The following LRP1B variants were observed in gnomAD, a reference collection of about 807,000 sequenced individuals.
The protein encoded by LRP1B is LDL receptor related protein 1B.
Under a neutral mutation model 556.6 loss-of-function variants are expected in LRP1B, and 217 were observed. The ratio of observed to expected loss-of-function variants is 0.39; its 90% CI spans 0.35 to 0.44. The LOEUF (loss-of-function observed/expected upper bound fraction) is 0.44. Ranked by LOEUF, LRP1B falls within the 20% of genes least tolerant of loss-of-function variation. The pLI, the probability that LRP1B is intolerant of heterozygous loss-of-function variation, is 1.00. For missense variants in LRP1B, 5,053 were observed against 5,620.8 expected (o/e 0.90, Z 3.23); for synonymous variants, 2,047 against 1,865.8 (o/e 1.10, Z -2.50).
intron 77 of LRP1B, among the ~76,000 whole-genome samples, chr2:140,350,496 T>C (rs1171856310): frequency 6.6e-6 from 1 of 152,018 alleles, no homozygotes; most frequent in Non-Finnish European, 1.5e-5. Flanking sequence ...AAAGCTTATG[T>C]TCATAATAAT....
rs1268989613 is a variant in LRP1B at position 140,233,239 on chromosome 2, T to G, written c.13747A>C (p.Lys4583Gln). 1 of 1,606,058 alleles carries G rather than the reference T, an allele frequency of 6.2e-7. No individual in the cohort carries two copies. Among genetic ancestry groups the G allele is most frequent in the Non-Finnish European group, 8.5e-7 (1 of 1,174,630 alleles). Residue 4583 changes from lysine to glutamine, a missense_variant, in exon 91 of 91, where the codon AAA becomes CAA. Transcript: ENST00000389484. ...TCTATTTTCTTTGGAAGCAGTTCTT[T>G]CCTTTCATCAACACTTCCTAAGGAG... Reference protein sequence around the residue: ...RNSLGSVDERKELLPKKIEIG... With the variant: ...RNSLGSVDERQELLPKKIEIG...
intron 3 of LRP1B, among the ~76,000 whole-genome samples, chr2:141,286,066 C>CAAAAAAAA (rs200182512): frequency 1.1e-5 from 1 of 94,682 alleles, no homozygotes; most frequent in African/African-American, 4.6e-5. Flanking sequence ...GACTCCGTCT[C>CAAAAAAAA]AAAAAAAAAA....
chr2:141,457,610 A>T (rs1172925843), intron 3 of LRP1B, among the ~76,000 whole-genome samples: 3 of 150,984 alleles, frequency 2.0e-5, no homozygotes, highest in Non-Finnish European at 2.9e-5. Context: ...AATTAAAAAA[A>T]TGTGATGAGT....
chr2:140,567,169 C>G (rs1435127443), intron 43 of LRP1B, among the ~76,000 whole-genome samples: 1 of 152,142 alleles, frequency 6.6e-6, no homozygotes, highest in African/African-American at 2.4e-5. Context: ...TGAGTCCAAG[C>G]TGCTGAGATA....
intron 1 of LRP1B, among the ~76,000 whole-genome samples, chr2:142,053,366 A>G (rs1338205355): frequency 6.6e-6 from 1 of 152,184 alleles, no homozygotes; most frequent in East Asian, 1.9e-4. Flanking sequence ...ATAAAAGAGC[A>G]TAGCAGAAAT....
At chr2:141,096,870 G>A (rs977142767) in intron 7 of LRP1B, among the ~76,000 whole-genome samples, 1 of 152,160 alleles carries the variant, frequency 6.6e-6, no homozygotes, top group Non-Finnish European at 1.5e-5. Context: ...CCTGTAGAAA[G>A]TGTGTAGTTA....
chr2:141,047,029 C>A (rs1174073044), intron 11 of LRP1B, among the ~76,000 whole-genome samples: 1 of 120,724 alleles, frequency 8.3e-6, no homozygotes, highest in Non-Finnish European at 1.8e-5. Context: ...TTGCAGTGAG[C>A]CAAGATTGCA....
At chr2:140,836,720 G>C (rs1426361043) in intron 31 of LRP1B, among the ~76,000 whole-genome samples, 1 of 152,078 alleles carries the variant, frequency 6.6e-6, no homozygotes, top group Admixed American at 6.6e-5. Flanking sequence ...TAGCAAGCTG[G>C]GGAATTGCTG....
intron 84 of LRP1B, among the ~76,000 whole-genome samples, chr2:140,285,107 A>ATG (rs1683086580): frequency 6.7e-6 from 1 of 149,764 alleles, no homozygotes; most frequent in Non-Finnish European, 1.5e-5. Context: ...CTCTCTATAT[A>ATG]TATATGTGTG....
intron 35 of LRP1B, among the ~76,000 whole-genome samples, chr2:140,754,988 C>A (rs1387960920): frequency 1.3e-5 from 2 of 150,572 alleles, no homozygotes; most frequent in East Asian, 2.0e-4. Flanking sequence ...ATGAGAGACA[C>A]CCCTACTGAT....
chr2:141,919,160 A>C (rs977802508), intron 1 of LRP1B, among the ~76,000 whole-genome samples: 2 of 152,130 alleles, frequency 1.3e-5, no homozygotes, highest in African/African-American at 4.8e-5. Context: ...GAATACTTAT[A>C]TATATGTGCA....
chr2:141,791,549 T>C (rs752011487), intron 2 of LRP1B, among the ~76,000 whole-genome samples: 8 of 152,088 alleles, frequency 5.3e-5, no homozygotes, highest in Non-Finnish European at 1.0e-4. Flanking sequence ...GATCAGACTT[T>C]AGTAGTGCCT....
At chr2:141,331,311 T>A (rs1207240617) in intron 3 of LRP1B, among the ~76,000 whole-genome samples, 1 of 152,124 alleles carries the variant, frequency 6.6e-6, no homozygotes, top group Non-Finnish European at 1.5e-5. Flanking sequence ...AAATGAATTT[T>A]AAAAAAGTAT....
At chr2:141,724,073 T>TA (rs1394846071) in intron 2 of LRP1B, among the ~76,000 whole-genome samples, 1 of 151,562 alleles carries the variant, frequency 6.6e-6, no homozygotes, top group African/African-American at 2.4e-5. Context: ...AGAAAGAAAA[T>TA]AAATAGTCTG....
chr2:141,517,029 A>AAAAAAAAAAAT (rs772472942), intron 2 of LRP1B, among the ~76,000 whole-genome samples: 1 of 90,192 alleles, frequency 1.1e-5, no homozygotes, highest in East Asian at 4.0e-4. Flanking sequence ...AAAAAAAAAA[A>AAAAAAAAAAAT]AAAGTAAATC....
At chr2:141,550,688 C>T (rs1685719201) in intron 2 of LRP1B, among the ~76,000 whole-genome samples, 3 of 152,026 alleles carry the variant, frequency 2.0e-5, no homozygotes, top group Non-Finnish European at 2.9e-5. Context: ...AGATTGCTTT[C>T]TAATTTTTTT....
intron 59 of LRP1B, among the ~76,000 whole-genome samples, chr2:140,480,961 G>T (rs1331139942): frequency 6.6e-6 from 1 of 151,820 alleles, no homozygotes; most frequent in Non-Finnish European, 1.5e-5. Flanking sequence ...CCACCTCCTG[G>T]GTTCAAGATA....
At chr2:141,284,697 T>C (rs1439174037) in intron 3 of LRP1B, among the ~76,000 whole-genome samples, 4 of 152,208 alleles carry the variant, frequency 2.6e-5, no homozygotes, top group Admixed American at 2.6e-4. Flanking sequence ...AGATATTCAG[T>C]TATTATGTCA....
At chr2:141,949,472 C>A (rs959914707) in intron 1 of LRP1B, among the ~76,000 whole-genome samples, 1 of 152,166 alleles carries the variant, frequency 6.6e-6, no homozygotes, top group Non-Finnish European at 1.5e-5. Context: ...CTCACTGCAA[C>A]CTCTGCCTCC....
Sources: allele counts gnomAD v4.1 joint callset (sites outside exome capture counted in the v4.1 genomes callset), GRCh38; gene constraint gnomAD v4.1.1; transcripts MANE v1.5; gene names NCBI Gene and HGNC (gene_info 2026-07-23, HGNC 2026-07-21).